The following GABRB1 variants were observed in gnomAD, a reference collection of about 807,000 sequenced individuals.
GABRB1 encodes gamma-aminobutyric acid receptor subunit beta-1.
Under a neutral mutation model 51.6 loss-of-function variants are expected in GABRB1, and 17 were observed. The ratio of observed to expected loss-of-function variants is 0.33; its 90% CI spans 0.23 to 0.49. The LOEUF (loss-of-function observed/expected upper bound fraction) is 0.49. Ranked by LOEUF, GABRB1 falls within the 20% of genes least tolerant of loss-of-function variation. GABRB1 has a pLI of 0.99. For missense variants in GABRB1, 410 were observed against 600.6 expected (o/e 0.68, Z 3.32); for synonymous variants, 247 against 218.9 (o/e 1.13, Z -1.14).
intron 1 of GABRB1, among the ~76,000 whole-genome samples, chr4:46,998,400 A>G (rs1310142030): frequency 6.6e-6 from 1 of 152,122 alleles, no homozygotes; most frequent in Non-Finnish European, 1.5e-5. Flanking sequence ...GTTATTCAAT[A>G]TTAGCTTTTG....
intron 3 of GABRB1, among the ~76,000 whole-genome samples, chr4:47,125,562 T>TTTTTG (rs949445724): frequency 3.5e-5 from 3 of 85,444 alleles, no homozygotes; most frequent in African/African-American, 1.0e-4. Context: ...ATAATTTCTT[T>TTTTTG]TTTTTTTTTT....
chr4:47,146,690 A>G (rs1717183687), intron 3 of GABRB1, among the ~76,000 whole-genome samples: 1 of 151,998 alleles, frequency 6.6e-6, no homozygotes, highest in Admixed American at 6.6e-5. Context: ...AGAATTGTTG[A>G]TACAGGTCAA....
At chr4:47,069,719 G>T (rs1727235541) in intron 3 of GABRB1, among the ~76,000 whole-genome samples, 1 of 152,046 alleles carries the variant, frequency 6.6e-6, no homozygotes, top group Non-Finnish European at 1.5e-5. Context: ...TTTCTGATAG[G>T]TTAAGTGGAA....
chr4:47,312,623 T>C (rs1724744402), intron 4 of GABRB1, among the ~76,000 whole-genome samples: 1 of 152,196 alleles, frequency 6.6e-6, no homozygotes, highest in Admixed American at 6.5e-5. Flanking sequence ...ATTAGGAGTA[T>C]AAATAGGGTT....
chr4:47,009,648 C>A (rs559307547), intron 1 of GABRB1, among the ~76,000 whole-genome samples: 16 of 152,232 alleles, frequency 1.1e-4, no homozygotes, highest in African/African-American at 3.9e-4. Flanking sequence ...AAAATCCATA[C>A]CATTGTGGAT....
At chr4:47,246,585 T>A (rs1457561088) in intron 4 of GABRB1, among the ~76,000 whole-genome samples, 1 of 151,080 alleles carries the variant, frequency 6.6e-6, no homozygotes, top group Non-Finnish European at 1.5e-5. Flanking sequence ...CTACTTTTAG[T>A]TCTTTGAGGA....
At chr4:47,076,845 T>C (rs1377645194) in intron 3 of GABRB1, among the ~76,000 whole-genome samples, 1 of 152,060 alleles carries the variant, frequency 6.6e-6, no homozygotes, top group East Asian at 1.9e-4. Flanking sequence ...CCATAATAAA[T>C]CACTTCCACG....
chr4:47,322,057 T>A lies in GABRB1; in HGVS notation c.544+1848T>A, dbSNP rs148838141. Among the ~76,000 whole-genome samples the A allele has an allele frequency of 9.2e-5, 14 of 152,328 alleles. No homozygotes were observed. The East Asian group carries it at 2.7e-3, about 29-fold the overall frequency. On this transcript the variant is annotated intron_variant, in intron 5 of 8. Transcript: ENST00000295454. Reference sequence around the variant, plus strand: ...CATATTTTTAAAAGATGACTTTAAGTCCATTTAATATAACATATAATGATC... The same window carrying A: ...CATATTTTTAAAAGATGACTTTAAGACCATTTAATATAACATATAATGATC...
chr4:47,357,999 CA>C (rs2110006547), intron 5 of GABRB1, among the ~76,000 whole-genome samples: 2 of 152,256 alleles, frequency 1.3e-5, no homozygotes, highest in South Asian at 4.1e-4. Context: ...CTAAATGCTT[CA>C]GAAACACTTT....
Position 47,134,160 on chromosome 4 carries a change from A to G in GABRB1, c.241-27089A>G, listed in dbSNP as rs1020380097. ...AGGTTTCCATTTAGTAATTTAGGAT[A>G]TTGCTACCAAAAGGTTGGCAATTAG... On this transcript the variant is annotated intron_variant, in intron 3 of 8. Coordinates refer to ENST00000295454, the MANE Select transcript of GABRB1 (RefSeq NM_000812.4). Among the ~76,000 whole-genome samples, 10 of 152,276 alleles carry G rather than the reference A, an allele frequency of 6.6e-5. No individual in the cohort carries two copies. The East Asian group carries it at 1.9e-3, about 29-fold the overall frequency.
At chr4:47,291,524 C>A (rs1356436155) in intron 4 of GABRB1, among the ~76,000 whole-genome samples, 1 of 152,124 alleles carries the variant, frequency 6.6e-6, no homozygotes, top group Non-Finnish European at 1.5e-5. Context: ...GTAGATTCAC[C>A]AACAGCTTGC....
intron 8 of GABRB1, among the ~76,000 whole-genome samples, chr4:47,418,071 C>A (rs930706640): frequency 2.6e-5 from 4 of 152,154 alleles, no homozygotes; most frequent in African/African-American, 9.7e-5. Flanking sequence ...CTTCAGATTT[C>A]TGTTAAGGAA....
chr4:47,380,381 T>C (rs1727552223), intron 5 of GABRB1, among the ~76,000 whole-genome samples: 1 of 152,180 alleles, frequency 6.6e-6, no homozygotes. Flanking sequence ...CTCTAAGCTG[T>C]AGAAAAGAAA....
At chr4:47,192,699 T>A (rs911248822) in intron 4 of GABRB1, among the ~76,000 whole-genome samples, 13 of 152,210 alleles carry the variant, frequency 8.5e-5, no homozygotes, top group Non-Finnish European at 1.8e-4. Context: ...AATAGATCTG[T>A]AATCCATTTA....
intron 3 of GABRB1, among the ~76,000 whole-genome samples, chr4:47,110,576 T>C (rs1207994561): frequency 6.6e-6 from 1 of 152,220 alleles, no homozygotes; most frequent in Non-Finnish European, 1.5e-5. Context: ...GCTATGTAGA[T>C]ACTTTGTTCC....
At position 47,216,446 on chromosome 4, in the gene GABRB1, A is replaced by G. The variant is rs191460801; in HGVS notation, c.461+54977A>G. ...TTGTCTCAGAATTAACCTTAGCGAT[A>G]TTTCTGAGCTGCAAGGGAACCACTT... On this transcript the variant is annotated intron_variant, in intron 4 of 8. Transcript: ENST00000295454. 7.4e-4 allele frequency among the ~76,000 whole-genome samples: 113 copies of G among 152,050 alleles called. 1 individual carries two copies. Among genetic ancestry groups the G allele is most frequent in the African/African-American group, 2.3e-3 (94 of 41,546 alleles).
intron 3 of GABRB1, among the ~76,000 whole-genome samples, chr4:47,070,883 A>C (rs191016279): frequency 6.6e-6 from 1 of 152,252 alleles, no homozygotes; most frequent in Admixed American, 6.5e-5. Context: ...TAAATCTGAG[A>C]TCTCCAGCAT....
intron 3 of GABRB1, among the ~76,000 whole-genome samples, chr4:47,099,468 G>A (rs1056771484): frequency 6.6e-6 from 1 of 152,054 alleles, no homozygotes; most frequent in South Asian, 2.1e-4. Context: ...CCTTGAGCTA[G>A]ATAAATATAT....
chr4:47,111,183 T>G (rs1215721645), intron 3 of GABRB1, among the ~76,000 whole-genome samples: 2 of 152,158 alleles, frequency 1.3e-5, no homozygotes, highest in East Asian at 3.9e-4. Flanking sequence ...AGTCATTTTA[T>G]AGTCCTATAC....
Sources: gnomAD v4.1 joint callset for allele counts (sites outside exome capture counted in the v4.1 genomes callset) on GRCh38, gnomAD v4.1.1 for gene constraint, MANE v1.5 for transcripts, NCBI Gene and HGNC (gene_info 2026-07-23, HGNC 2026-07-21) for gene names.